Variants in CSRNP3 observed in about 807,000 individuals in gnomAD.
CSRNP3 encodes cysteine/serine-rich nuclear protein 3.
Under a neutral mutation model 48.0 loss-of-function variants are expected in CSRNP3, and 12 were observed. That is an observed-to-expected ratio of 0.25 (90% CI 0.16 to 0.41). The LOEUF (loss-of-function observed/expected upper bound fraction) is 0.41. Ranked by LOEUF, CSRNP3 falls within the 10% of genes least tolerant of loss-of-function variation. CSRNP3 has a pLI of 1.00. For synonymous variants in CSRNP3, 263 were observed against 269.7 expected, an observed-to-expected ratio of 0.98 and a Z score of 0.24; for missense variants, 580 against 724.4, an observed-to-expected ratio of 0.80 and a Z score of 2.29.
intron 1 of CSRNP3, among the ~76,000 whole-genome samples, chr2:165,490,485 C>T (rs1361880517): frequency 1.4e-3 from 166 of 121,690 alleles, no homozygotes; most frequent in African/African-American, 4.4e-3. Context: ...GAGCCCGCAT[C>T]GCCAAGTCAA....
rs1346701855 is a variant in CSRNP3 at position 165,686,208 on chromosome 2, C to T, written c.*6455C>T. The stretch of plus-strand genomic sequence containing the variant: ...TGTCTCTTTTAAATTTATCTAGGTA[C>T]TTGTATCACCAGAGACCTTCATCAA... On this transcript the variant is annotated 3_prime_UTR_variant, in exon 7 of 7. Coordinates refer to ENST00000651982, the MANE Select transcript of CSRNP3 (RefSeq NM_001172173.2). 6.6e-6 allele frequency: 1 copy of T among 151,902 alleles called. No homozygotes were observed. Among genetic ancestry groups the T allele is most frequent in the East Asian group, 1.9e-4 (1 of 5,172 alleles). The allele number at this position is 151,902 out of a possible 1,614,324, so 9.4% of individuals were successfully genotyped here.
intron 3 of CSRNP3, among the ~76,000 whole-genome samples, chr2:165,540,355 C>G (rs559200229): frequency 1.3e-5 from 2 of 152,212 alleles, no homozygotes; most frequent in East Asian, 1.9e-4. Context: ...TTGATATTCT[C>G]TCTGAGACAG....
chr2:165,664,628 G>A (rs569797364), intron 5 of CSRNP3, among the ~76,000 whole-genome samples: 71 of 152,236 alleles, frequency 4.7e-4, no homozygotes, highest in African/African-American at 1.7e-3. Context: ...ATGGCTTTTA[G>A]GCTCTTTGTT....
chr2:165,488,137 G>A (rs1262768048), intron 1 of CSRNP3, among the ~76,000 whole-genome samples: 4 of 78,774 alleles, frequency 5.1e-5, no homozygotes, highest in Admixed American at 1.6e-4. Context: ...AAAGGCAGGG[G>A]TTGCAATCCT....
chr2:165,541,133 G>A (rs546655090), intron 3 of CSRNP3, among the ~76,000 whole-genome samples: 33 of 151,696 alleles, frequency 2.2e-4, no homozygotes, highest in African/African-American at 7.0e-4. Context: ...TTTGTAGTTC[G>A]AATTCTAGCT....
At chr2:165,603,536 T>C (rs185242580) in intron 4 of CSRNP3, among the ~76,000 whole-genome samples, 2 of 151,996 alleles carry the variant, frequency 1.3e-5, no homozygotes, top group African/African-American at 4.8e-5. Context: ...CCTCATCCAC[T>C]TTTTTTTAAC....
At chr2:165,637,493 G>A (rs1686650431) in intron 4 of CSRNP3, among the ~76,000 whole-genome samples, 1 of 152,174 alleles carries the variant, frequency 6.6e-6, no homozygotes, top group South Asian at 2.1e-4. Context: ...CTCATAGCTG[G>A]TCATGATTGG....
At chr2:165,587,092 GCTA>G (rs1389619164) in intron 3 of CSRNP3, among the ~76,000 whole-genome samples, 1 of 152,112 alleles carries the variant, frequency 6.6e-6, no homozygotes, top group Non-Finnish European at 1.5e-5. Context: ...ACAGTTTTCT[GCTA>G]CTTTTTCATA....
intron 4 of CSRNP3, among the ~76,000 whole-genome samples, chr2:165,630,730 C>G (rs1255448832): frequency 6.6e-6 from 1 of 152,216 alleles, no homozygotes; most frequent in African/African-American, 2.4e-5. Flanking sequence ...TGTCCTTGTA[C>G]AGCCACCCTG....
At chr2:165,497,388 G>A (rs1684298303) in intron 2 of CSRNP3, among the ~76,000 whole-genome samples, 1 of 152,024 alleles carries the variant, frequency 6.6e-6, no homozygotes, top group African/African-American at 2.4e-5. Flanking sequence ...TTGTAATTGA[G>A]TGTGTAATCA....
intron 5 of CSRNP3, among the ~76,000 whole-genome samples, chr2:165,663,153 C>T (rs1359016889): frequency 6.6e-6 from 1 of 152,150 alleles, no homozygotes; most frequent in Non-Finnish European, 1.5e-5. Flanking sequence ...AGATAAGGGC[C>T]TTAAATGCCC....
intron 1 of CSRNP3, among the ~76,000 whole-genome samples, chr2:165,489,299 T>G (rs1351480949): frequency 6.8e-6 from 1 of 147,436 alleles, no homozygotes; most frequent in East Asian, 2.0e-4. Flanking sequence ...ATTGTGGCAA[T>G]AATCAATAGT....
At chr2:165,674,274 T>C (rs1389392893) in intron 5 of CSRNP3, among the ~76,000 whole-genome samples, 1 of 152,092 alleles carries the variant, frequency 6.6e-6, no homozygotes, top group African/African-American at 2.4e-5. Context: ...CAAAGTGCCA[T>C]ACAGTGGTAA....
intron 4 of CSRNP3, among the ~76,000 whole-genome samples, chr2:165,623,253 C>T (rs544320834): frequency 6.6e-6 from 1 of 152,162 alleles, no homozygotes; most frequent in East Asian, 1.9e-4. Context: ...AAGTGGGCCG[C>T]ACAGCAAGGA....
At chr2:165,550,724 C>T (rs970334847) in intron 3 of CSRNP3, among the ~76,000 whole-genome samples, 2 of 152,182 alleles carry the variant, frequency 1.3e-5, no homozygotes, top group African/African-American at 4.8e-5. Context: ...GTGGCACAAT[C>T]CATCCTGAAT....
At chr2:165,592,342 A>G (rs1284913494) in intron 3 of CSRNP3, among the ~76,000 whole-genome samples, 1 of 152,210 alleles carries the variant, frequency 6.6e-6, no homozygotes, top group Non-Finnish European at 1.5e-5. Flanking sequence ...GCTCATAAAC[A>G]GAAGGAACTT....
intron 4 of CSRNP3, among the ~76,000 whole-genome samples, chr2:165,625,250 G>A (rs961948424): frequency 6.6e-6 from 1 of 152,028 alleles, no homozygotes; most frequent in African/African-American, 2.4e-5. Flanking sequence ...AGTGAGACAG[G>A]CACTACCCGG....
At chr2:165,669,912 C>T (rs1311659854) in intron 5 of CSRNP3, among the ~76,000 whole-genome samples, 1 of 152,086 alleles carries the variant, frequency 6.6e-6, no homozygotes, top group African/African-American at 2.4e-5. Context: ...ATAGGATAAA[C>T]ATAAAATAAA....
chr2:165,624,072 C>T (rs1454009726), intron 4 of CSRNP3, among the ~76,000 whole-genome samples: 2 of 152,218 alleles, frequency 1.3e-5, no homozygotes, highest in Non-Finnish European at 2.9e-5. Context: ...CTGTCTCTTG[C>T]TTAATTACCT....
Sources: gnomAD v4.1 joint callset for allele counts (sites outside exome capture counted in the v4.1 genomes callset) on GRCh38, gnomAD v4.1.1 for gene constraint, MANE v1.5 for transcripts, NCBI Gene and HGNC (gene_info 2026-07-23, HGNC 2026-07-21) for gene names.